Variants in EYS observed in about 807,000 individuals in gnomAD.
The protein encoded by EYS is protein eyes shut homolog.
A neutral mutation model predicts 282.1 loss-of-function variants in EYS; 250 were observed. That is an observed-to-expected ratio of 0.89 (90% CI 0.80 to 0.98). EYS has a LOEUF of 0.98. Ranked by LOEUF, EYS falls within the 50% of genes least tolerant of loss-of-function variation. The probability of loss-of-function intolerance (pLI) is 0.00; values close to 1 mark genes in which losing one functional copy is unlikely to be tolerated. For synonymous variants in EYS, 1,355 were observed against 1,282.9 expected (o/e 1.06, Z -1.20); for missense variants, 4,016 against 3,709.0 (o/e 1.08, Z -2.15).
chr6:65,000,819 A>G (rs1463792142), intron 13 of EYS, among the ~76,000 whole-genome samples: 3 of 152,256 alleles, frequency 2.0e-5, no homozygotes, highest in Non-Finnish European at 4.4e-5. Context: ...GAACAACCGT[A>G]TAATGGTGTT....
rs535576539 is a variant in EYS at position 65,176,674 on chromosome 6, A to T, written c.2024-118947T>A. Among the ~76,000 whole-genome samples the T allele has an allele frequency of 3.7e-4, 56 of 151,792 alleles. 1 individual carries two copies. In the South Asian group the frequency reaches 0.011, roughly 30 times the overall value. On this transcript the variant is annotated intron_variant, in intron 12 of 42. Transcript: ENST00000503581. ...ATGTGAAAAGTGAGGAAGTATTTTC[A>T]ACAATCCAAATTTCAGTTCCTTGTC...
intron 21 of EYS, among the ~76,000 whole-genome samples, chr6:64,815,565 C>T (rs1428297849): frequency 2.0e-5 from 3 of 152,040 alleles, no homozygotes; most frequent in African/African-American, 7.2e-5. Flanking sequence ...ATTTAAAGTT[C>T]TTGATCTTTC....
At chr6:65,023,168 T>A (rs868660220) in intron 13 of EYS, among the ~76,000 whole-genome samples, 6 of 152,196 alleles carry the variant, frequency 3.9e-5, no homozygotes, top group Non-Finnish European at 8.8e-5. Flanking sequence ...ATATCTCAAC[T>A]GAATATTGAA....
At chr6:64,784,953 G>T (rs780211903) in intron 22 of EYS, among the ~76,000 whole-genome samples, 1 of 151,968 alleles carries the variant, frequency 6.6e-6, no homozygotes, top group Non-Finnish European at 1.5e-5. Flanking sequence ...TTCTGTTTCT[G>T]TAACAGTCAT....
chr6:63,777,962 T>G lies in EYS; in HGVS notation c.7898+44A>C, dbSNP rs750110641. The G allele has an allele frequency of 2.6e-6, 4 of 1,524,256 alleles. 1 individual carries two copies. The highest frequency in any genetic ancestry group is 1.7e-4 in the Middle Eastern group (1 of 5,948). The allele number at this position is 1,524,256 out of a possible 1,614,324, so 94.4% of individuals were successfully genotyped here. ...TGACAGAGTGGAGTACCAGTTAGAG[T>G]GCAAACAACCTGCTACTTTCATTCC... On this transcript the variant is annotated intron_variant, in intron 40 of 42. Coordinates refer to ENST00000503581, the MANE Select transcript of EYS (RefSeq NM_001142800.2).
intron 12 of EYS, among the ~76,000 whole-genome samples, chr6:65,082,445 A>G (rs1048070781): frequency 6.6e-6 from 1 of 152,108 alleles, no homozygotes; most frequent in Non-Finnish European, 1.5e-5. Flanking sequence ...ATTCCATGAC[A>G]ATGAGGTAAG....
chr6:64,475,227 G>A (rs1776224088), intron 26 of EYS, among the ~76,000 whole-genome samples: 1 of 152,014 alleles, frequency 6.6e-6, no homozygotes, highest in Admixed American at 6.6e-5. Flanking sequence ...CCACAAATAG[G>A]TTCTACTTCA....
At chr6:64,813,334 T>C in intron 22 of EYS, 44 bp downstream of exon 22, 1 of 1,457,792 alleles carries the variant, frequency 6.9e-7, no homozygotes, top group Non-Finnish European at 9.3e-7. Flanking sequence ...TTATAAGCTC[T>C]CCTAAATATA....
chr6:64,917,139 C>A (rs1240161552), intron 15 of EYS, among the ~76,000 whole-genome samples: 2 of 151,920 alleles, frequency 1.3e-5, no homozygotes, highest in Non-Finnish European at 2.9e-5. Flanking sequence ...GCCCCAGCTA[C>A]GCGGGAGGCT....
chr6:65,180,938 G>C lies in EYS; in HGVS notation c.2023+114925C>G, dbSNP rs149210013. 3.2e-4 allele frequency among the ~76,000 whole-genome samples: 48 copies of C among 152,122 alleles called. No individual in the cohort carries two copies. The East Asian group carries it at 8.7e-3, about 28-fold the overall frequency. Reference sequence around the variant, plus strand: ...ACCATGTGATCTTTGACAAACCTGAGAAAAACAAGCAATGGGGAAAGGATT... The same window carrying C: ...ACCATGTGATCTTTGACAAACCTGACAAAAACAAGCAATGGGGAAAGGATT... On this transcript the variant is annotated intron_variant, in intron 12 of 42. Transcript: ENST00000503581.
chr6:65,228,629 T>G (rs1441761978), intron 12 of EYS, among the ~76,000 whole-genome samples: 1 of 152,044 alleles, frequency 6.6e-6, no homozygotes, highest in Non-Finnish European at 1.5e-5. Flanking sequence ...ATCTACAGAT[T>G]AAGTATAGTC....
intron 30 of EYS, among the ~76,000 whole-genome samples, chr6:64,248,631 G>C (rs1324437595): frequency 6.6e-6 from 1 of 152,126 alleles, no homozygotes; most frequent in Non-Finnish European, 1.5e-5. Context: ...TACACTGTTG[G>C]TAGGAAGGTA....
At chr6:64,215,230 C>T (rs1562256934) in intron 31 of EYS, among the ~76,000 whole-genome samples, 1 of 151,848 alleles carries the variant, frequency 6.6e-6, no homozygotes, top group Non-Finnish European at 1.5e-5. Flanking sequence ...CAGTGATATA[C>T]CAAAAATATT....
intron 35 of EYS, among the ~76,000 whole-genome samples, chr6:63,963,211 T>C (rs1582040688): frequency 1.3e-5 from 2 of 151,710 alleles, no homozygotes; most frequent in Non-Finnish European, 1.5e-5. Context: ...CAACATGGCA[T>C]ATGTATATAT....
chr6:64,379,104 T>A (rs1330973150), intron 29 of EYS, among the ~76,000 whole-genome samples: 1 of 152,178 alleles, frequency 6.6e-6, no homozygotes, highest in Non-Finnish European at 1.5e-5. Context: ...TTCACATATT[T>A]TTTTCAGTTC....
chr6:65,387,428 A>T (rs998984857), intron 7 of EYS, among the ~76,000 whole-genome samples: 5 of 151,904 alleles, frequency 3.3e-5, no homozygotes, highest in Admixed American at 2.6e-4. Flanking sequence ...CTACATTTTA[A>T]ATAGGTTTCA....
intron 39 of EYS, among the ~76,000 whole-genome samples, chr6:63,782,910 G>A (rs2149667271): frequency 6.7e-6 from 1 of 149,550 alleles, no homozygotes; most frequent in South Asian, 2.1e-4. Context: ...GACTGACTAG[G>A]TACCAAATAA....
At chr6:65,403,998 C>T (rs185228446) in intron 6 of EYS, among the ~76,000 whole-genome samples, 3 of 152,078 alleles carry the variant, frequency 2.0e-5, no homozygotes, top group African/African-American at 4.8e-5. Flanking sequence ...ACAACAACAA[C>T]AAAAAATCAT....
chr6:64,517,571 A>G (rs184634055), intron 26 of EYS, among the ~76,000 whole-genome samples: 1 of 151,808 alleles, frequency 6.6e-6, no homozygotes, highest in South Asian at 2.1e-4. Flanking sequence ...AGCGGACAAG[A>G]GCCTAGGTAG....
Sources: allele counts gnomAD v4.1 joint callset (sites outside exome capture counted in the v4.1 genomes callset), GRCh38; gene constraint gnomAD v4.1.1; transcripts MANE v1.5; gene names NCBI Gene and HGNC (gene_info 2026-07-23, HGNC 2026-07-21).